Variants in DIXDC1 observed in about 807,000 individuals in gnomAD.
DIXDC1 encodes the protein DIX domain containing 1.
In DIXDC1, 64 loss-of-function variants were observed where a neutral mutation model predicts 103.1. That is an observed-to-expected ratio of 0.62 (90% CI 0.51 to 0.76). DIXDC1 has a LOEUF of 0.76. DIXDC1 is among the 30% of genes least tolerant of loss of function. The pLI, the probability that DIXDC1 is intolerant of heterozygous loss-of-function variation, is 0.00. For missense variants in DIXDC1, 759 were observed against 834.2 expected (o/e 0.91, Z 1.11); for synonymous variants, 266 against 298.5 (o/e 0.89, Z 1.12).
intron 17 of DIXDC1, among the ~76,000 whole-genome samples, chr11:112,011,631 G>T (rs921220002): frequency 1.3e-5 from 2 of 152,110 alleles, no homozygotes; most frequent in Non-Finnish European, 2.9e-5. Context: ...CCATAAAAAA[G>T]GATGAGTTCA....
chr11:112,008,732 G>A (rs916424954), intron 17 of DIXDC1, among the ~76,000 whole-genome samples: 5 of 152,182 alleles, frequency 3.3e-5, no homozygotes, highest in Non-Finnish European at 7.3e-5. Context: ...AATGAAGGGA[G>A]AAATAAAGAT....
rs1234095760 is a variant in DIXDC1, at chr11:111,968,535, A to T, written c.213A>T (p.Val71=). ...EIVAGEKLSG[V]QLSPGNQQEM... The stretch of plus-strand genomic sequence containing the variant: ...CAGCAGGAGAAAAGCTGAGTGGGGT[A>T]CAGCTGAGTCCCGGTAACCAACAGG... Residue 71 remains valine (V), a synonymous_variant, in exon 3 of 20, where the codon GTA becomes GTT. Transcript: ENST00000440460. 2 of 1,612,928 alleles carry T rather than the reference A, an allele frequency of 1.2e-6. No homozygotes were observed. Among genetic ancestry groups the T allele is most frequent in the African/African-American group, 2.7e-5 (2 of 74,918 alleles).
At chr11:111,986,757 T>C in intron 8 of DIXDC1, 114 bp from the exon 9 acceptor site, 1 of 806,708 alleles carries the variant, frequency 1.2e-6, no homozygotes, top group Non-Finnish European at 1.9e-6. Flanking sequence ...TCCTGTTCTT[T>C]GTATCCACAG....
chr11:111,938,583 C>T (rs1966300883), intron 1 of DIXDC1, among the ~76,000 whole-genome samples: 1 of 152,074 alleles, frequency 6.6e-6, no homozygotes, highest in African/African-American at 2.4e-5. Flanking sequence ...CCTTTGGCTC[C>T]CCCCACCCAT....
At chr11:111,938,078 A>G (rs1966281717) in intron 1 of DIXDC1, among the ~76,000 whole-genome samples, 1 of 152,146 alleles carries the variant, frequency 6.6e-6, no homozygotes, top group South Asian at 2.1e-4. Context: ...ATTTCTCTGC[A>G]ATCAAGGACA....
intron 10 of DIXDC1, among the ~76,000 whole-genome samples, chr11:111,991,264 C>G (rs1316545023): frequency 6.6e-6 from 1 of 152,192 alleles, no homozygotes; most frequent in Non-Finnish European, 1.5e-5. Flanking sequence ...TGAATAATAA[C>G]ATGTAAAGGA....
chr11:111,993,386 C>A, intron 12 of DIXDC1, 110 bp from the exon 13 acceptor site: 3 of 1,169,516 alleles, frequency 2.6e-6, no homozygotes, highest in Non-Finnish European at 3.7e-6. Context: ...GAGGAAAGGA[C>A]TTTTTTTCCT....
intron 3 of DIXDC1, among the ~76,000 whole-genome samples, chr11:111,972,408 A>G (rs186129102): frequency 6.6e-6 from 1 of 152,142 alleles, no homozygotes; most frequent in Non-Finnish European, 1.5e-5. Context: ...CATCATTGTC[A>G]TTTACCTGGA....
At chr11:111,974,634 G>A (rs929895126) in intron 4 of DIXDC1, among the ~76,000 whole-genome samples, 4 of 152,178 alleles carry the variant, frequency 2.6e-5, no homozygotes, top group Non-Finnish European at 4.4e-5. Flanking sequence ...AGTCATGGCA[G>A]GAAATGCTTT....
Position 111,977,157 on chromosome 11 carries a change from CACCTCCACCCCG to C in DIXDC1, c.656+2175_656+2186del. The C allele has an allele frequency of 3.1e-6, 2 of 654,290 alleles. No homozygotes were observed. The highest frequency in any genetic ancestry group is 1.9e-6 in the Non-Finnish European group (1 of 526,992). The allele number at this position is 654,290 out of a possible 1,614,324, so 40.5% of individuals were successfully genotyped here. On this transcript the variant is annotated intron_variant, in intron 5 of 19. Coordinates refer to ENST00000440460, the MANE Select transcript of DIXDC1 (RefSeq NM_001037954.4). The surrounding 1 kb of genome is among the most constrained non-coding windows in gnomAD (Gnocchi z 6.1). ...AACCCCTCGTCGACGTCCCCACCCCCACCTCCACCCCGCCCAGCCCCGCCCCTGGCCCGCACC... is the reference window on the plus strand; with the variant it reads ...AACCCCTCGTCGACGTCCCCACCCCCCCCAGCCCCGCCCCTGGCCCGCACC...
At chr11:111,951,834 T>G (rs1219230066) in intron 1 of DIXDC1, among the ~76,000 whole-genome samples, 1 of 151,788 alleles carries the variant, frequency 6.6e-6, no homozygotes, top group Non-Finnish European at 1.5e-5. Context: ...ATTGTGAGGC[T>G]TCCTTAGTGA....
chr11:111,937,172 G>GTGCGGGCGTGCAGCGCGCA, upstream of DIXDC1: 4 of 998,904 alleles, frequency 4.0e-6, no homozygotes, highest in Non-Finnish European at 4.7e-6. Context: ...TGCAGCGCGC[G>GTGCGGGCGTGCAGCGCGCA]CCCTCGCCAG....
chr11:111,977,265 C>T lies in DIXDC1; in HGVS notation c.656+2282C>T, dbSNP rs1860135945. On this transcript the variant is annotated intron_variant, in intron 5 of 19. Transcript: ENST00000440460. The surrounding 1 kb of genome is among the most constrained non-coding windows in gnomAD (Gnocchi z 6.1). ...GGGTCGGAGCCCGGCTGCCTCGCCG[C>T]GTGTGACAGCCCAGGGAGGGAGCAG... 1.0e-6 allele frequency: 1 copy of T among 1,001,962 alleles called. No homozygotes were observed. Among genetic ancestry groups the T allele is most frequent in the Non-Finnish European group, 1.2e-6 (1 of 840,808 alleles). 62.1% of individuals were successfully genotyped at this position (1,001,962 alleles called of 1,614,324 possible).
intron 1 of DIXDC1, among the ~76,000 whole-genome samples, chr11:111,959,880 A>AGGAAAGAGG (rs1555170911): frequency 2.0e-5 from 3 of 152,116 alleles, no homozygotes; most frequent in African/African-American, 7.2e-5. Context: ...CAAAGAAGGA[A>AGGAAAGAGG]GGAAAGAGGA....
At chr11:111,950,434 ATATATTTTTTTTTTTTTTT>A (rs1180950064) in intron 1 of DIXDC1, among the ~76,000 whole-genome samples, 48 of 21,540 alleles carry the variant, frequency 2.2e-3, no homozygotes, top group African/African-American at 0.013. Context: ...ATATATATAT[ATATATTTTTTTTTTTTTTT>A]TTTTTTTTTT....
At chr11:111,970,269 G>A (rs1555171930) in intron 3 of DIXDC1, among the ~76,000 whole-genome samples, 1 of 151,834 alleles carries the variant, frequency 6.6e-6, no homozygotes, top group Non-Finnish European at 1.5e-5. Flanking sequence ...TGGCCAGCGT[G>A]GTCTCGAACT....
chr11:111,957,932 G>A (rs1485323362), intron 1 of DIXDC1, among the ~76,000 whole-genome samples: 5 of 152,358 alleles, frequency 3.3e-5, no homozygotes, highest in African/African-American at 9.6e-5. Flanking sequence ...TGGCCGGGGC[G>A]GCACGCTCCA....
chr11:111,982,517 T>C (rs782204548), intron 7 of DIXDC1, 30 bp downstream of exon 7: 2 of 1,604,278 alleles, frequency 1.2e-6, no homozygotes, highest in South Asian at 2.2e-5. Context: ...TTTGCCCTTG[T>C]TATACCAATT....
In DIXDC1 at chr11:111,980,778, C is replaced by T; in HGVS notation, c.698C>T (p.Ser233Phe). ...CCAATCCACAGTGCAAAGAGCGAGT[C>T]CATTATAACCCAGTCAGAAGAGAAG... The part of the protein sequence containing the change: ...PSPIHSAKSE[S>F]IITQSEEKAD... Residue 233 changes from serine to phenylalanine, a missense_variant, in exon 6 of 20, where the codon TCC becomes TTC. By Grantham distance (155) the Ser-to-Phe change is radical. Coordinates refer to ENST00000440460, the MANE Select transcript of DIXDC1 (RefSeq NM_001037954.4). 6.2e-7 allele frequency: 1 copy of T among 1,613,930 alleles called. No individual in the cohort carries two copies. Among genetic ancestry groups the T allele is most frequent in the East Asian group, 2.2e-5 (1 of 44,878 alleles).
Sources: gnomAD v4.1 joint callset for allele counts (sites outside exome capture counted in the v4.1 genomes callset) on GRCh38, gnomAD v4.1.1 for gene constraint, Gnocchi (gnomAD v3.1) non-coding constraint, MANE v1.5 for transcripts, NCBI Gene and HGNC (gene_info 2026-07-23, HGNC 2026-07-21) for gene names.